Variants in UNC79 observed in about 807,000 individuals in gnomAD.
UNC79 encodes the protein unc-79 subunit of NALCN channel complex, also known as protein unc-79 homolog.
In UNC79, 37 loss-of-function variants were observed where a neutral mutation model predicts 283.1. The observed-to-expected ratio is 0.13, with a 90% CI of 0.10 to 0.17. UNC79 has a LOEUF of 0.17. Ranked by LOEUF, UNC79 falls within the 10% of genes least tolerant of loss-of-function variation. The probability of loss-of-function intolerance (pLI) is 1.00; values close to 1 mark genes in which losing one functional copy is unlikely to be tolerated. For missense variants in UNC79, 2,272 were observed against 3,211.1 expected (o/e 0.71, Z 7.07); for synonymous variants, 1,107 against 1,200.2 (o/e 0.92, Z 1.61).
In UNC79 at chr14:93,430,771, G is replaced by A. The variant is rs554663078; in HGVS notation, c.-259G>A. 23 of 441,078 alleles carry A rather than the reference G, an allele frequency of 5.2e-5. No individual in the cohort carries two copies. The Admixed American group carries it at 5.8e-4, about 11-fold the overall frequency. 27.3% of individuals were successfully genotyped at this position (441,078 alleles called of 1,614,324 possible). A position where few individuals can be genotyped will look rare whatever the true frequency, so the allele number is the denominator to read the frequency against. On this transcript the variant is annotated 5_prime_UTR_variant, in exon 1 of 49. Coordinates refer to ENST00000555664, the Ensembl canonical transcript of UNC79. This position sits in a 1 kb window ranked among gnomAD's most constrained non-coding sequence, Gnocchi z 4.6. Reference sequence around the variant, plus strand: ...CACATCAACGCGGGCAGCTCCAGGAGGGGACGGACAGGAAGCCTTTGGCCG... The same window carrying A: ...CACATCAACGCGGGCAGCTCCAGGAAGGGACGGACAGGAAGCCTTTGGCCG...
At chr14:93,539,693 A>G (rs559901892) in intron 12 of UNC79, among the ~76,000 whole-genome samples, 2 of 152,302 alleles carry the variant, frequency 1.3e-5, no homozygotes, top group South Asian at 2.1e-4. Context: ...ACACTCAGCC[A>G]TACTGATGAT....
chr14:93,619,263 G>A (rs1218232231), intron 29 of UNC79, among the ~76,000 whole-genome samples: 1 of 152,204 alleles, frequency 6.6e-6, no homozygotes, highest in East Asian at 1.9e-4. Context: ...TTGTCTACCA[G>A]TTTAGGGTTT....
intron 1 of UNC79, among the ~76,000 whole-genome samples, chr14:93,388,738 C>G (rs2054827346): frequency 6.6e-6 from 1 of 152,080 alleles, no homozygotes; most frequent in African/African-American, 2.4e-5. Context: ...CTTTTCAGGT[C>G]TGGATGGGGG....
At chr14:93,622,806 A>C in exon 30 of UNC79, 1 of 1,614,020 alleles carries the variant, frequency 6.2e-7, no homozygotes, top group African/African-American at 1.3e-5. Context: ...ATCTCCTTCA[A>C]CATTCTGGAC....
At chr14:93,454,967 A>G (rs1272694727) in intron 1 of UNC79, among the ~76,000 whole-genome samples, 3 of 152,204 alleles carry the variant, frequency 2.0e-5, no homozygotes, top group African/African-American at 7.2e-5. Flanking sequence ...GATGTTGATG[A>G]TGCTAATGAT....
chr14:93,703,594 A>G (rs1488439604), intron 47 of UNC79, among the ~76,000 whole-genome samples: 1 of 152,220 alleles, frequency 6.6e-6, no homozygotes, highest in Non-Finnish European at 1.5e-5. Flanking sequence ...CCATTTCCAA[A>G]TAAGGTCACA....
rs188941051 is a variant in UNC79, at chr14:93,420,069, C to T, written c.-350-47602C>T. ...AAAGAAGCGAAGACCACAAAACAAC[C>T]AGAAAGCAAATAACAAAATGGTAGG... On this transcript the variant is annotated intron_variant, in intron 1 of 49. Transcript: ENST00000256339. Among the ~76,000 whole-genome samples the T allele has an allele frequency of 6.6e-5, 10 of 150,628 alleles. No homozygotes were observed. The East Asian group carries it at 2.0e-3, about 30-fold the overall frequency.
At chr14:93,606,774 T>A (rs1436678803) in intron 26 of UNC79, among the ~76,000 whole-genome samples, 1 of 152,226 alleles carries the variant, frequency 6.6e-6, no homozygotes, top group Non-Finnish European at 1.5e-5. Context: ...GAATAGAAAA[T>A]TCTGTTTTCT....
At chr14:93,614,322 TA>T (rs1241584375) in intron 27 of UNC79, among the ~76,000 whole-genome samples, 2,091 of 151,212 alleles carry the variant, frequency 0.014, 60 homozygotes, top group African/African-American at 0.049. Flanking sequence ...TTTATTTATT[TA>T]TTTATTTATT....
At chr14:93,546,465 T>C (rs1301929853) in intron 14 of UNC79, among the ~76,000 whole-genome samples, 2 of 152,244 alleles carry the variant, frequency 1.3e-5, no homozygotes, top group Non-Finnish European at 2.9e-5. Context: ...CAGATTGTTA[T>C]TCAACTTATG....
At chr14:93,592,319 C>T (rs559444750) in intron 22 of UNC79, among the ~76,000 whole-genome samples, 90 of 151,826 alleles carry the variant, frequency 5.9e-4, no homozygotes, top group African/African-American at 2.0e-3. Context: ...GGACTACAGG[C>T]GCCCACCACC....
chr14:93,392,823 A>G (rs554089106), intron 1 of UNC79, among the ~76,000 whole-genome samples: 124 of 152,362 alleles, frequency 8.1e-4, no homozygotes, highest in Non-Finnish European at 1.1e-3. Flanking sequence ...TCGTGAAGAA[A>G]TGAAGGACTG....
chr14:93,572,645 C>A (rs370040527), intron 15 of UNC79, 48 bp from the exon 16 acceptor site: 210 of 1,608,794 alleles, frequency 1.3e-4, no homozygotes, highest in Admixed American at 4.0e-4. Flanking sequence ...ATTAGTAGAA[C>A]CCAATCTATG....
chr14:93,459,737 C>G (rs1246272846), intron 1 of UNC79, among the ~76,000 whole-genome samples: 1 of 116,510 alleles, frequency 8.6e-6, no homozygotes, highest in South Asian at 3.1e-4. Flanking sequence ...GTGGCGCTAT[C>G]CCGGCTCACT....
intron 1 of UNC79, among the ~76,000 whole-genome samples, chr14:93,417,998 G>A (rs1201092658): frequency 5.9e-5 from 9 of 151,694 alleles, no homozygotes; most frequent in East Asian, 2.0e-4. Flanking sequence ...TAGTTTGATC[G>A]TCTGAAGCCT....
At chr14:93,618,351 A>G (rs1441992986) in exon 29 of UNC79, 1 of 1,609,732 alleles carries the variant, frequency 6.2e-7, no homozygotes, top group Non-Finnish European at 8.5e-7. Flanking sequence ...CGAAAAAGAA[A>G]AAGGTACATA....
chr14:93,657,632 T>C (rs1291811770), intron 38 of UNC79, among the ~76,000 whole-genome samples: 1 of 152,152 alleles, frequency 6.6e-6, no homozygotes, highest in African/African-American at 2.4e-5. Flanking sequence ...ATTACAGGCG[T>C]GAGCCAAAGC....
At chr14:93,512,994 A>G (rs1170354697) in intron 7 of UNC79, among the ~76,000 whole-genome samples, 1 of 152,102 alleles carries the variant, frequency 6.6e-6, no homozygotes, top group Non-Finnish European at 1.5e-5. Flanking sequence ...TATTTATTCT[A>G]AAAAGCATTG....
Position 93,605,066 on chromosome 14 carries a change from T to C in UNC79, c.3754+1648T>C, listed in dbSNP as rs2065786562. The C allele has an allele frequency of 7.2e-6, 9 of 1,251,832 alleles. No homozygotes were observed. The African/African-American group carries it at 9.0e-5, about 13-fold the overall frequency. 77.5% of individuals were successfully genotyped at this position (1,251,832 alleles called of 1,614,324 possible). A position where few individuals can be genotyped will look rare whatever the true frequency, so the allele number is the denominator to read the frequency against. The stretch of plus-strand genomic sequence containing the variant: ...TGGACCAGGGTGATATACCTAGGAT[T>C]TGCAAGCTCAGAAGGGTCTTACCCC... On this transcript the variant is annotated intron_variant, in intron 26 of 48. Coordinates refer to ENST00000555664, the Ensembl canonical transcript of UNC79.
Sources: allele counts gnomAD v4.1 joint callset (sites outside exome capture counted in the v4.1 genomes callset), GRCh38; gene constraint gnomAD v4.1.1; non-coding constraint Gnocchi (gnomAD v3.1); transcripts MANE v1.5; gene names NCBI Gene and HGNC (gene_info 2026-07-23, HGNC 2026-07-21).